Variants in PER3 observed in about 807,000 individuals in gnomAD.
PER3 encodes period circadian regulator 3.
A neutral mutation model predicts 127.2 loss-of-function variants in PER3; 107 were observed. The ratio of observed to expected loss-of-function variants is 0.84; its 90% confidence interval spans 0.72 to 0.99. The LOEUF (loss-of-function observed/expected upper bound fraction) is 0.99, where lower values mean the gene tolerates loss of function less well. Among genes scored for constraint, PER3 ranks in the 50% least tolerant of loss-of-function variants. The pLI is 0.00. For synonymous variants in PER3, 618 were observed against 585.8 expected (o/e 1.05, Z -0.79); for missense variants, 1,560 against 1,525.8 (o/e 1.02, Z -0.37).
chr1:7,806,839 C>T (rs1170684398), intron 10 of PER3, among the ~76,000 whole-genome samples: 1,245 of 92,438 alleles, frequency 0.013, 22 homozygotes, highest in East Asian at 0.1. Flanking sequence ...ATATATATTA[C>T]ATACACACAC....
chr1:7,790,767 A>G lies in PER3; in HGVS notation c.592+2521A>G, dbSNP rs896851519. Among the ~76,000 whole-genome samples, 35 of 152,360 alleles carry G rather than the reference A, an allele frequency of 2.3e-4. 1 individual carries two copies. The highest frequency in any genetic ancestry group is 7.7e-4 in the African/African-American group (32 of 41,580). On this transcript the variant is annotated intron_variant, in intron 5 of 21. Transcript: ENST00000377532. ...ACAATAGACGTACAAGCATTGGGTA[A>G]ATACACCCATTTCAAATGGGAGAAA...
At chr1:7,786,683 G>C in intron 3 of PER3, 38 bp from the exon 4 acceptor site, 1 of 1,041,124 alleles carries the variant, frequency 9.6e-7, no homozygotes, top group Non-Finnish European at 1.5e-6. Context: ...AGATACTGTT[G>C]TCACTGGACT....
intron 16 of PER3, among the ~76,000 whole-genome samples, chr1:7,824,286 A>C (rs2097291330): frequency 6.6e-6 from 1 of 152,232 alleles, no homozygotes; most frequent in African/African-American, 2.4e-5. Flanking sequence ...AAAAATCGAC[A>C]AAATAGAAAA....
intron 7 of PER3, among the ~76,000 whole-genome samples, chr1:7,799,754 G>A (rs1187243883): frequency 6.6e-6 from 1 of 151,934 alleles, no homozygotes; most frequent in Admixed American, 6.6e-5. Flanking sequence ...ATGTTTTTGT[G>A]TATTCTTTTT....
chr1:7,809,059 T>C, intron 11 of PER3, 61 bp downstream of exon 11: 1 of 784,652 alleles, frequency 1.3e-6, no homozygotes. Flanking sequence ...TAATGCTCAG[T>C]AAATTCACTT....
intron 10 of PER3, among the ~76,000 whole-genome samples, chr1:7,806,933 A>G (rs1283956494): frequency 1.3e-5 from 2 of 151,056 alleles, no homozygotes; most frequent in Admixed American, 1.3e-4. Context: ...TTCTATTTCC[A>G]TTTCACTCAA....
chr1:7,794,098 C>G lies in PER3; in HGVS notation c.644+90C>G, dbSNP rs974861280. On this transcript the variant is annotated intron_variant, in intron 6 of 21. Transcript: ENST00000377532. The stretch of plus-strand genomic sequence containing the variant: ...GTTTGATTCTTGTGTATTCAGCTCA[C>G]TTCTGTTGCGAGATACAAAAAATAA... 2.9e-6 allele frequency: 3 copies of G among 1,033,966 alleles called. No individual in the cohort carries two copies. The African/African-American group carries it at 4.7e-5, about 16-fold the overall frequency. The allele number at this position is 1,033,966 out of a possible 1,614,324, so 64.0% of individuals were successfully genotyped here. A position where few individuals can be genotyped will look rare whatever the true frequency, so the allele number is the denominator to read the frequency against.
At chr1:7,836,448 G>A (rs188266795) in intron 20 of PER3, among the ~76,000 whole-genome samples, 11 of 152,270 alleles carry the variant, frequency 7.2e-5, no homozygotes, top group African/African-American at 1.9e-4. Context: ...CAAAGTGCTG[G>A]GATTACAGGC....
At chr1:7,792,249 G>A (rs1026182303) in intron 5 of PER3, among the ~76,000 whole-genome samples, 4 of 152,130 alleles carry the variant, frequency 2.6e-5, no homozygotes, top group South Asian at 2.1e-4. Context: ...AAGGAGAAGC[G>A]CCAAGCAAAA....
rs1238481478 is a variant in PER3, at chr1:7,803,108, C to T, written c.934C>T (p.Leu312=). The T allele has an allele frequency of 6.2e-6, 10 of 1,613,662 alleles. No individual in the cohort carries two copies. The highest frequency in any genetic ancestry group is 4.4e-5 in the South Asian group (4 of 91,080). The part of the protein sequence containing the change: ...DLIGTSILSY[L]HPEDRSLMVA... The stretch of plus-strand genomic sequence containing the variant: ...GATTGGAACATCGATCCTAAGCTAC[C>T]TGCACCCTGAAGATCGTTCTCTGAT... The change falls in exon 9 of 22, where the codon CTG becomes TTG. Residue 312 remains leucine, a synonymous_variant. Coordinates refer to ENST00000377532, the MANE Select transcript of PER3 (RefSeq NM_001377275.1).
chr1:7,833,529 C>T (rs555114978), intron 19 of PER3, among the ~76,000 whole-genome samples: 1 of 152,288 alleles, frequency 6.6e-6, no homozygotes, highest in Admixed American at 6.5e-5. Context: ...TTGAAGTCTG[C>T]TTTGTCTGAT....
At chr1:7,784,479 C>T (rs868315895) in intron 1 of PER3, 103 bp downstream of exon 1, 10 of 156,734 alleles carry the variant, frequency 6.4e-5, no homozygotes, top group South Asian at 1.9e-4. Context: ...GTACTGGGGG[C>T]CCCCGGAGCG....
At chr1:7,787,013 T>C (rs756393899) in intron 4 of PER3, among the ~76,000 whole-genome samples, 177 bp downstream of exon 4, 1 of 152,208 alleles carries the variant, frequency 6.6e-6, no homozygotes, top group Non-Finnish European at 1.5e-5. Flanking sequence ...AGAAAACATC[T>C]AAAAGCAGAA....
chr1:7,802,953 G>A, intron 8 of PER3, 94 bp from the exon 9 acceptor site: 3 of 781,972 alleles, frequency 3.8e-6, no homozygotes, highest in South Asian at 2.8e-5. Context: ...GCATAAAATT[G>A]TCTCACATTT....
chr1:7,785,067 A>G, intron 2 of PER3, 62 bp downstream of exon 2: 1 of 1,524,312 alleles, frequency 6.6e-7, no homozygotes, highest in Non-Finnish European at 8.8e-7. Flanking sequence ...GGAGCAGGGA[A>G]AGGGGGACCT....
At chr1:7,831,280 T>G (rs962636262) in intron 19 of PER3, among the ~76,000 whole-genome samples, 1 of 152,240 alleles carries the variant, frequency 6.6e-6, no homozygotes, top group Non-Finnish European at 1.5e-5. Context: ...ATATAGAAAT[T>G]TAATCAAATT....
intron 10 of PER3, 24 bp downstream of exon 10, chr1:7,803,872 T>C: frequency 6.3e-7 from 1 of 1,584,856 alleles, no homozygotes; most frequent in South Asian, 1.1e-5. Context: ...TTTTCATATT[T>C]TCTAAAACAT....
Position 7,786,726 on chromosome 1 carries a change from A to C in PER3, c.280A>C (p.Ser94Arg). 3 of 1,568,110 alleles carry C rather than the reference A, an allele frequency of 1.9e-6. No individual in the cohort carries two copies. Among genetic ancestry groups the C allele is most frequent in the Non-Finnish European group, 8.8e-7 (1 of 1,137,960 alleles). Residue 94 changes from serine (S) to arginine (R), a missense_variant, in exon 4 of 22, where the codon AGT becomes CGT. Ser to Arg is a moderately radical substitution (Grantham distance 110). Around this residue, in one of 3 missense-constraint regions of PER3, gnomAD observed 1,332 missense variants for 1,223.6 expected, o/e 1.09. Coordinates refer to ENST00000377532, the MANE Select transcript of PER3 (RefSeq NM_001377275.1). ...LRCVHSVQAN[S>R]EFFQILSQNG... ...TATCTCCCTGTGTTTCTTAGCAAAC[A>C]GTGAGTTTTTCCAGATTCTCAGTCA...
At chr1:7,805,553 G>A (rs533656591) in intron 10 of PER3, among the ~76,000 whole-genome samples, 8 of 152,264 alleles carry the variant, frequency 5.3e-5, no homozygotes, top group African/African-American at 1.9e-4. Context: ...GCTAGAAAAC[G>A]AATTTGATTA....
Sources: gnomAD v4.1 joint callset for allele counts (sites outside exome capture counted in the v4.1 genomes callset) on GRCh38, gnomAD v4.1.1 for gene constraint, gnomAD v4.1.1 regional missense constraint, MANE v1.5 for transcripts, NCBI Gene and HGNC (gene_info 2026-07-23, HGNC 2026-07-21) for gene names.